TECR: variants seen among roughly 807,000 people sequenced by gnomAD.
The protein encoded by TECR is trans-2,3-enoyl-CoA reductase.
A neutral mutation model predicts 50.6 loss-of-function variants in TECR; 19 were observed. The ratio of observed to expected loss-of-function variants is 0.38; its 90% CI spans 0.26 to 0.55. The LOEUF (loss-of-function observed/expected upper bound fraction) is 0.55, where lower values mean the gene tolerates loss of function less well. Among genes scored for constraint, TECR ranks in the 20% least tolerant of loss-of-function variants. TECR has a pLI of 0.79. For missense variants in TECR, 313 were observed against 408.3 expected (o/e 0.77, Z 2.01); for synonymous variants, 168 against 163.5 (o/e 1.03, Z -0.21).
At chr19:14,543,401 A>G (rs1316874476) in intron 1 of TECR, among the ~76,000 whole-genome samples, 2 of 7,444 alleles carry the variant, frequency 2.7e-4, no homozygotes, top group Non-Finnish European at 6.6e-4. Flanking sequence ...ATATATATAT[A>G]TATATATATA....
intron 1 of TECR, among the ~76,000 whole-genome samples, chr19:14,546,848 C>G (rs1365474957): frequency 1.3e-5 from 2 of 152,130 alleles, no homozygotes; most frequent in Non-Finnish European, 2.9e-5. Flanking sequence ...CACCACTACG[C>G]CCAGCTAACT....
At chr19:14,535,031 G>C (rs2072812298) in intron 1 of TECR, among the ~76,000 whole-genome samples, 1 of 152,068 alleles carries the variant, frequency 6.6e-6, no homozygotes, top group Non-Finnish European at 1.5e-5. Context: ...GTCTTTCTCT[G>C]CCCTAAAATC....
At chr19:14,551,595 C>G (rs1431286829) in intron 1 of TECR, among the ~76,000 whole-genome samples, 1 of 152,132 alleles carries the variant, frequency 6.6e-6, no homozygotes, top group Non-Finnish European at 1.5e-5. Flanking sequence ...CATTGGCTGT[C>G]TTAGCTAGTG....
intron 12 of TECR, 23 bp downstream of exon 12, chr19:14,565,686 G>A: frequency 6.2e-7 from 1 of 1,611,678 alleles, no homozygotes. Context: ...CCCTCCCTCG[G>A]CGGGGCCCTG....
chr19:14,564,890 C>G (rs746903841), intron 8 of TECR, 32 bp downstream of exon 8: 2 of 1,614,048 alleles, frequency 1.2e-6, no homozygotes, highest in East Asian at 4.5e-5. Flanking sequence ...TTCCCTCCCC[C>G]ACGGTCCCCA....
intron 1 of TECR, among the ~76,000 whole-genome samples, chr19:14,535,506 CAAAAAAAAAAAAAAAAAAAAAA>C (rs1172079027): frequency 2.5e-3 from 43 of 17,160 alleles, no homozygotes; most frequent in African/African-American, 0.011. Context: ...GACTCCGTCT[CAAAAAAAAAAAAAAAAAAAAAA>C]AAAAAAAAAA....
intron 2 of TECR, among the ~76,000 whole-genome samples, chr19:14,562,902 C>G (rs1440825277): frequency 1.3e-5 from 2 of 152,108 alleles, no homozygotes; most frequent in Admixed American, 1.3e-4. Context: ...CTGGGAGAGT[C>G]ATGGGTGAGA....
chr19:14,554,775 T>C (rs2073658952), intron 1 of TECR, among the ~76,000 whole-genome samples: 1 of 151,200 alleles, frequency 6.6e-6, no homozygotes, highest in African/African-American at 2.4e-5. Context: ...ACTGCTTGTC[T>C]CTGCCTTGTG....
At chr19:14,548,828 G>A (rs2073390764) in intron 1 of TECR, among the ~76,000 whole-genome samples, 1 of 151,996 alleles carries the variant, frequency 6.6e-6, no homozygotes, top group African/African-American at 2.4e-5. Context: ...GCTCACTTTG[G>A]CCTCCCAAAG....
chr19:14,552,422 G>T (rs1252541621), intron 1 of TECR, among the ~76,000 whole-genome samples: 1 of 151,912 alleles, frequency 6.6e-6, no homozygotes, highest in East Asian at 1.9e-4. Context: ...GAGCAAGCTG[G>T]GTGGACACTC....
At chr19:14,561,303 G>C (rs1282861075) in intron 1 of TECR, among the ~76,000 whole-genome samples, 1 of 152,192 alleles carries the variant, frequency 6.6e-6, no homozygotes, top group African/African-American at 2.4e-5. Context: ...TGGGTAGGAA[G>C]GGTCCCCCAA....
In TECR at chr19:14,563,802, G is replaced by A. The variant is rs1285860324; in HGVS notation, c.166G>A (p.Gly56Ser). 3 of 1,613,790 alleles carry A rather than the reference G, an allele frequency of 1.9e-6. No individual in the cohort carries two copies. Among genetic ancestry groups the A allele is most frequent in the Non-Finnish European group, 2.5e-6 (3 of 1,179,916 alleles). ...AGCCCTGGCCCGCCTCTCTGCAGAG[G>A]GCAAGTCCCTGAAGGATGAGGATGT... Reference protein sequence around the residue: ...ARQSLRLDPKGKSLKDEDVLQ... With the variant: ...ARQSLRLDPKSKSLKDEDVLQ... The change falls in exon 5 of 13, where the codon GGC becomes AGC. Residue 56 changes from glycine to serine, a missense_variant and splice_region_variant. Coordinates refer to ENST00000215567, the MANE Select transcript of TECR (RefSeq NM_138501.6). This position sits in a 1 kb window ranked among gnomAD's most constrained non-coding sequence, Gnocchi z 5.3.
At chr19:14,537,214 A>G (rs1599421074) in intron 1 of TECR, among the ~76,000 whole-genome samples, 1 of 95,768 alleles carries the variant, frequency 1.0e-5, no homozygotes, top group Admixed American at 1.2e-4. Context: ...GGGGCTCAGG[A>G]GGAGGAGGCG....
chr19:14,556,651 T>C (rs1303742109), intron 1 of TECR, among the ~76,000 whole-genome samples: 3 of 151,986 alleles, frequency 2.0e-5, no homozygotes, highest in African/African-American at 7.3e-5. Context: ...CAGGAATGAA[T>C]GAATGGATAA....
chr19:14,563,673 C>G lies in TECR; in HGVS notation c.134C>G (p.Pro45Arg). The change falls in exon 4 of 13, where the codon CCC becomes CGC. Residue 45 changes from proline (P) to arginine (R), a missense_variant. Transcript: ENST00000215567. The surrounding 1 kb of genome is among the most constrained non-coding windows in gnomAD (Gnocchi z 5.3). ...CTCCCCGCAGATCCGCAGTGGTACC[C>G]CGCCCGCCAGTCCCTCCGCCTGGAC... is the stretch of plus-strand genomic sequence containing the variant. ...LFTKTHPQWY[P>R]ARQSLRLDPK... 6.2e-6 allele frequency: 10 copies of G among 1,612,266 alleles called. No individual in the cohort carries two copies. Among genetic ancestry groups the G allele is most frequent in the Non-Finnish European group, 8.5e-6 (10 of 1,179,862 alleles).
chr19:14,565,937 C>T lies in TECR; in HGVS notation c.*66C>T. 1.9e-6 allele frequency: 3 copies of T among 1,540,952 alleles called. No homozygotes were observed. The highest frequency in any genetic ancestry group is 2.6e-6 in the Non-Finnish European group (3 of 1,141,314). ...CATTCTGGGGGAGGAGTGGGGCCCACAGCTCTCCAGCACCCGGAATAAAGC... is the reference window on the plus strand; with the variant it reads ...CATTCTGGGGGAGGAGTGGGGCCCATAGCTCTCCAGCACCCGGAATAAAGC... On this transcript the variant is annotated 3_prime_UTR_variant, in exon 13 of 13. Coordinates refer to ENST00000215567, the MANE Select transcript of TECR (RefSeq NM_138501.6).
At chr19:14,551,895 T>TTCTC (rs140348006) in intron 1 of TECR, among the ~76,000 whole-genome samples, 1 of 145,166 alleles carries the variant, frequency 6.9e-6, no homozygotes, top group African/African-American at 2.6e-5. Context: ...TTTCTTTCCT[T>TTCTC]TCTCTCTCTC....
chr19:14,565,114 C>T lies in TECR; in HGVS notation c.655C>T (p.Arg219Trp). The T allele has an allele frequency of 6.2e-7, 1 of 1,613,788 alleles. No homozygotes were observed. Among genetic ancestry groups the T allele is most frequent in the Non-Finnish European group, 8.5e-7 (1 of 1,180,030 alleles). The change falls in exon 10 of 13, where the codon CGG (arginine) becomes TGG (tryptophan). Residue 219 changes from arginine to tryptophan, a missense_variant. By Grantham distance (101) the Arg-to-Trp change is moderately radical. Coordinates refer to ENST00000215567, the MANE Select transcript of TECR (RefSeq NM_138501.6). ...CATCCACATGGCCCTGCGGGACCTG[C>T]GGCCCGCTGGTGAGTGCCTGCTGGG... Reference protein sequence around the residue: ...FSIHMALRDLRPAGSKTRKIP... With the variant: ...FSIHMALRDLWPAGSKTRKIP...
Position 14,563,471 on chromosome 19 carries a change from G to C in TECR, c.119-187G>C. 1 of 853,532 alleles carries C rather than the reference G, an allele frequency of 1.2e-6. No individual in the cohort carries two copies. The allele number at this position is 853,532 out of a possible 1,614,324, so 52.9% of individuals were successfully genotyped here. On this transcript the variant is annotated intron_variant, in intron 3 of 12. Coordinates refer to ENST00000215567, the MANE Select transcript of TECR (RefSeq NM_138501.6). The surrounding 1 kb of genome is among the most constrained non-coding windows in gnomAD (Gnocchi z 5.3). Reference sequence around the variant, plus strand: ...CTGGGAAGGACAAGATCCTGCTTCTGCCCGCGCTCTTCTGGCTTGTGTCCT... The same window carrying C: ...CTGGGAAGGACAAGATCCTGCTTCTCCCCGCGCTCTTCTGGCTTGTGTCCT...
Sources: gnomAD v4.1 joint callset for allele counts (sites outside exome capture counted in the v4.1 genomes callset) on GRCh38, gnomAD v4.1.1 for gene constraint, Gnocchi (gnomAD v3.1) non-coding constraint, MANE v1.5 for transcripts, NCBI Gene and HGNC (gene_info 2026-07-23, HGNC 2026-07-21) for gene names.